MDM2: variants seen among roughly 807,000 people sequenced by gnomAD.
MDM2 encodes the protein E3 ubiquitin-protein ligase Mdm2.
A neutral mutation model predicts 64.3 loss-of-function variants in MDM2; 11 were observed. The observed-to-expected ratio is 0.17, with a 90% CI of 0.11 to 0.28. The LOEUF is 0.28. Among genes scored for constraint, MDM2 ranks in the 10% least tolerant of loss-of-function variants. The pLI is 1.00. For missense variants in MDM2, 388 were observed against 577.1 expected, an observed-to-expected ratio of 0.67 and a Z score of 3.36; for synonymous variants, 194 against 192.9, an observed-to-expected ratio of 1.01 and a Z score of -0.05.
intron 4 of MDM2, among the ~76,000 whole-genome samples, chr12:68,818,758 AT>A (rs528792035): frequency 1.3e-5 from 2 of 149,622 alleles, no homozygotes; most frequent in South Asian, 2.1e-4. Flanking sequence ...TGAATCTTCT[AT>A]TTTTTTTCTT....
intron 7 of MDM2, among the ~76,000 whole-genome samples, chr12:68,825,970 T>G (rs953100950): frequency 7.2e-5 from 11 of 152,162 alleles, no homozygotes; most frequent in Admixed American, 6.5e-4. Context: ...AAAAGTTAAA[T>G]GAAAAATAGA....
At chr12:68,845,552 G>T (rs931355203), downstream of MDM2, 1 of 186,488 alleles carries the variant, frequency 5.4e-6, no homozygotes, top group African/African-American at 2.3e-5. Context: ...TCTTTAGAGA[G>T]AGGAGTGGTA....
chr12:68,823,256 G>A (rs74098266), intron 5 of MDM2, among the ~76,000 whole-genome samples: 3 of 151,988 alleles, frequency 2.0e-5, no homozygotes, highest in Non-Finnish European at 2.9e-5. Flanking sequence ...GTTTCCAAGG[G>A]GGGTAGTAAA....
chr12:68,820,301 ATT>A lies in MDM2; in HGVS notation c.309-13_309-12del, dbSNP rs765244028. The A allele has an allele frequency of 1.5e-4, 181 of 1,175,206 alleles. No individual in the cohort carries two copies. Among genetic ancestry groups the A allele is most frequent in the South Asian group, 3.2e-4 (21 of 64,928 alleles). 72.8% of individuals were successfully genotyped at this position (1,175,206 alleles called of 1,614,324 possible). ...TATTCTAAAATGTACATCTCTTGTT[ATT>A]TTTTTTTTTTCTGTCTACAAGGAAA... On this transcript the variant is annotated intron_variant, in intron 4 of 10. Transcript: ENST00000258149.
chr12:68,832,155 G>A (rs938697709), intron 8 of MDM2, among the ~76,000 whole-genome samples: 5 of 151,836 alleles, frequency 3.3e-5, no homozygotes, highest in Non-Finnish European at 7.4e-5. Context: ...TTTCTTCTTC[G>A]TTTTAATTTC....
intron 5 of MDM2, among the ~76,000 whole-genome samples, chr12:68,821,911 G>A (rs973362053): frequency 6.6e-6 from 1 of 152,034 alleles, no homozygotes; most frequent in African/African-American, 2.4e-5. Context: ...TGCTTGAAGT[G>A]CAGTGGTAAT....
chr12:68,821,144 T>C (rs1592579402), intron 5 of MDM2, among the ~76,000 whole-genome samples: 1 of 148,284 alleles, frequency 6.7e-6, no homozygotes, highest in Non-Finnish European at 1.5e-5. Flanking sequence ...GCCTCCCAGG[T>C]TCAAGCAATT....
intron 3 of MDM2, 130 bp from the exon 4 acceptor site, chr12:68,816,682 G>T (rs1214988466): frequency 8.7e-6 from 7 of 801,408 alleles, no homozygotes; most frequent in Non-Finnish European, 1.3e-5. Flanking sequence ...GTACAAAATG[G>T]TTGTTCTACA....
chr12:68,823,490 C>T (rs1227175613), intron 5 of MDM2, among the ~76,000 whole-genome samples: 2 of 152,188 alleles, frequency 1.3e-5, no homozygotes, highest in Non-Finnish European at 2.9e-5. Flanking sequence ...CTCCTTTCTT[C>T]CTTGCCTTCT....
intron 8 of MDM2, among the ~76,000 whole-genome samples, chr12:68,834,570 C>T (rs1883158292): frequency 1.3e-5 from 2 of 151,738 alleles, no homozygotes; most frequent in Admixed American, 6.6e-5. Context: ...AGCCCTGCCT[C>T]TACTAAAAAT....
At chr12:68,832,488 A>G (rs991456640) in intron 8 of MDM2, among the ~76,000 whole-genome samples, 6 of 152,096 alleles carry the variant, frequency 3.9e-5, no homozygotes, top group Non-Finnish European at 5.9e-5. Context: ...TTGCAGAGCA[A>G]GCCTATCTGA....
chr12:68,835,473 C>T (rs1883227764), intron 8 of MDM2, among the ~76,000 whole-genome samples: 1 of 152,228 alleles, frequency 6.6e-6, no homozygotes, highest in Non-Finnish European at 1.5e-5. Context: ...GATGTTAATA[C>T]AGTCACACTG....
chr12:68,827,529 A>G (rs1354223832), intron 7 of MDM2, among the ~76,000 whole-genome samples: 1 of 152,038 alleles, frequency 6.6e-6, no homozygotes, highest in Non-Finnish European at 1.5e-5. Context: ...TTTGTTTGGT[A>G]TTTTATTTTG....
At chr12:68,829,517 G>A (rs1813392469) in intron 8 of MDM2, among the ~76,000 whole-genome samples, 1 of 152,162 alleles carries the variant, frequency 6.6e-6, no homozygotes, top group Non-Finnish European at 1.5e-5. Flanking sequence ...CCTGTAATCA[G>A]TACTTTCGGA....
chr12:68,808,610 G>C, intron 1 of MDM2, 119 bp downstream of exon 1: 1 of 1,366,486 alleles, frequency 7.3e-7, no homozygotes, highest in South Asian at 1.3e-5. Context: ...CTGGGGGCTC[G>C]GGGCGCGGGG....
chr12:68,822,078 CT>C (rs1326566929), intron 5 of MDM2, among the ~76,000 whole-genome samples: 3 of 152,128 alleles, frequency 2.0e-5, no homozygotes, highest in Admixed American at 6.5e-5. Context: ...TAGTCTTGAC[CT>C]GAGCTCAAGA....
At position 68,813,632 on chromosome 12, in the gene MDM2, A is replaced by G; in HGVS notation, c.174+4A>G. 6.2e-7 allele frequency: 1 copy of G among 1,604,164 alleles called. No homozygotes were observed. Among genetic ancestry groups the G allele is most frequent in the Non-Finnish European group, 8.5e-7 (1 of 1,172,000 alleles). ...AGACACTTATACTATGAAAGAGGTA[A>G]GCTGAATCAAGAGATAAGTAGTATC... On this transcript the variant is annotated splice_donor_region_variant and intron_variant, in intron 3 of 10. Transcript: ENST00000258149.
intron 7 of MDM2, among the ~76,000 whole-genome samples, chr12:68,826,696 A>G (rs996051425): frequency 1.3e-5 from 2 of 151,936 alleles, no homozygotes; most frequent in Middle Eastern, 3.2e-3. Flanking sequence ...AGTTCTTAAC[A>G]TTATCCTAGT....
chr12:68,838,453 G>C (rs1883481842), intron 10 of MDM2, among the ~76,000 whole-genome samples: 1 of 152,194 alleles, frequency 6.6e-6, no homozygotes, highest in Non-Finnish European at 1.5e-5. Context: ...TAAAGGAAAG[G>C]ATATTACGGT....
Sources: allele counts gnomAD v4.1 joint callset (sites outside exome capture counted in the v4.1 genomes callset), GRCh38; gene constraint gnomAD v4.1.1; transcripts MANE v1.5; gene names NCBI Gene and HGNC (gene_info 2026-07-23, HGNC 2026-07-21).